ABLIM1: variants seen among roughly 807,000 people sequenced by gnomAD.
ABLIM1 encodes the protein actin-binding LIM protein 1.
A neutral mutation model predicts 107.0 loss-of-function variants in ABLIM1; 40 were observed. The ratio of observed to expected loss-of-function variants is 0.37; its 90% CI spans 0.29 to 0.49. The LOEUF is 0.49. ABLIM1 is among the 20% of genes least tolerant of loss of function. The pLI is 0.97. For missense variants in ABLIM1, 857 were observed against 1,008.5 expected, an observed-to-expected ratio of 0.85 and a Z score of 2.04; for synonymous variants, 357 against 357.3, an observed-to-expected ratio of 1.00 and a Z score of 0.01.
Position 114,737,189 on chromosome 10 carries a change from T to C in ABLIM1, c.-213+30872A>G, listed in dbSNP as rs12266199. ...AAACACAAAAATTAGCTGGGTGTAATAGCATGCGCCTGTAACCCCAGCTAC... is the reference window on the plus strand; with the variant it reads ...AAACACAAAAATTAGCTGGGTGTAACAGCATGCGCCTGTAACCCCAGCTAC... On this transcript the variant is annotated intron_variant, in intron 1 of 15. Transcript: ENST00000651092. Among the ~76,000 whole-genome samples the C allele has an allele frequency of 3.9e-3, 587 of 152,120 alleles. 3 individuals are homozygous for C. The highest frequency in any genetic ancestry group is 6.9e-3 in the Non-Finnish European group (472 of 68,000).
At chr10:114,462,226 G>A (rs1048903276) in intron 12 of ABLIM1, among the ~76,000 whole-genome samples, 1 of 152,156 alleles carries the variant, frequency 6.6e-6, no homozygotes, top group African/African-American at 2.4e-5. Flanking sequence ...TTTAAGACCT[G>A]TGATAACATC....
At chr10:114,445,246 A>T in intron 16 of ABLIM1, 66 bp downstream of exon 16, 1 of 1,427,958 alleles carries the variant, frequency 7.0e-7, no homozygotes, top group Non-Finnish European at 9.9e-7. Context: ...CATAGTAGTC[A>T]TTCAAAAAAT....
At chr10:114,632,323 C>G in intron 1 of ABLIM1, 2 of 985,426 alleles carry the variant, frequency 2.0e-6, no homozygotes, top group Non-Finnish European at 2.4e-6. Context: ...CCCCCTCCCA[C>G]AGTCTGATAA....
intron 4 of ABLIM1, among the ~76,000 whole-genome samples, chr10:114,561,718 A>G (rs2138327108): frequency 6.6e-6 from 1 of 152,360 alleles, no homozygotes; most frequent in Middle Eastern, 3.4e-3. Flanking sequence ...CTGAAATTCC[A>G]GTTCTACTGA....
chr10:114,734,324 C>T (rs928347248), intron 1 of ABLIM1, among the ~76,000 whole-genome samples: 1 of 152,178 alleles, frequency 6.6e-6, no homozygotes, highest in African/African-American at 2.4e-5. Flanking sequence ...TTGCTCAAAA[C>T]CTTCAAAATG....
chr10:114,768,355 A>G (rs2082957833), upstream of ABLIM1, among the ~76,000 whole-genome samples: 1 of 149,424 alleles, frequency 6.7e-6, no homozygotes, highest in South Asian at 2.1e-4. Flanking sequence ...ACCCGGGTCC[A>G]GCAGCCGCTC....
chr10:114,475,908 AC>A (rs1210152561), intron 8 of ABLIM1, among the ~76,000 whole-genome samples: 4 of 152,184 alleles, frequency 2.6e-5, no homozygotes, highest in Non-Finnish European at 5.9e-5. Context: ...TTATAGTTCT[AC>A]AATAGGAATA....
chr10:114,581,113 AAAG>A, intron 2 of ABLIM1, among the ~76,000 whole-genome samples: 1 of 152,284 alleles, frequency 6.6e-6, no homozygotes, highest in South Asian at 2.1e-4. Flanking sequence ...ATCAACTACT[AAAG>A]AAGAACATGT....
intron 1 of ABLIM1, among the ~76,000 whole-genome samples, chr10:114,657,657 G>A (rs914932875): frequency 3.9e-5 from 6 of 152,036 alleles, no homozygotes; most frequent in African/African-American, 1.2e-4. Flanking sequence ...TCTACAGATA[G>A]AGATCTTTCT....
the ABLIM1 span, among the ~76,000 whole-genome samples, chr10:114,786,500 T>C: frequency 1.3e-5 from 2 of 152,248 alleles, no homozygotes; most frequent in African/African-American, 4.8e-5. Context: ...TAAACATTTA[T>C]ATAATTTTAA....
chr10:114,607,025 T>A (rs1047096852), intron 1 of ABLIM1, among the ~76,000 whole-genome samples: 1 of 152,080 alleles, frequency 6.6e-6, no homozygotes, highest in Admixed American at 6.6e-5. Context: ...GGCCCTCAAC[T>A]CCTTTTTCTC....
chr10:114,483,520 G>C (rs1193273301), intron 8 of ABLIM1, among the ~76,000 whole-genome samples: 3 of 152,176 alleles, frequency 2.0e-5, no homozygotes, highest in African/African-American at 7.2e-5. Context: ...CTAGTGATCT[G>C]CCCACATTGG....
At chr10:114,491,026 G>GTGTGTGTGTGT (rs2058919541) in intron 7 of ABLIM1, among the ~76,000 whole-genome samples, 1 of 70,286 alleles carries the variant, frequency 1.4e-5, no homozygotes, top group African/African-American at 5.9e-5. Flanking sequence ...ATATATATAT[G>GTGTGTGTGTGT]GTCTATTTTA....
At chr10:114,447,240 G>A (rs1324455339) in intron 15 of ABLIM1, among the ~76,000 whole-genome samples, 1 of 152,138 alleles carries the variant, frequency 6.6e-6, no homozygotes, top group Non-Finnish European at 1.5e-5. Context: ...TGGAAAGCAT[G>A]GAGCAAAGAA....
chr10:114,699,105 A>C (rs1312332016), intron 1 of ABLIM1, among the ~76,000 whole-genome samples: 1 of 16,030 alleles, frequency 6.2e-5, no homozygotes, highest in Non-Finnish European at 1.5e-4. Context: ...TTTGCTTAGC[A>C]AAAAAAAAAA....
chr10:114,792,037 T>G, the ABLIM1 span, among the ~76,000 whole-genome samples: 2 of 152,346 alleles, frequency 1.3e-5, no homozygotes, highest in South Asian at 4.1e-4. Flanking sequence ...GTTAAGAATC[T>G]TGGCTGGGTA....
At chr10:114,488,994 C>T (rs1417943759) in intron 7 of ABLIM1, among the ~76,000 whole-genome samples, 1 of 152,130 alleles carries the variant, frequency 6.6e-6, no homozygotes, top group African/African-American at 2.4e-5. Flanking sequence ...AGAGTTTCCA[C>T]ATTTCATGAC....
Position 114,629,509 on chromosome 10 carries a change from G to A in ABLIM1, c.245-27548C>T, listed in dbSNP as rs1055915636. 6.6e-6 allele frequency among the ~76,000 whole-genome samples: 1 copy of A among 152,194 alleles called. No individual in the cohort carries two copies. The highest frequency in any genetic ancestry group is 1.5e-5 in the Non-Finnish European group (1 of 68,042). ...GGTTGTTTGAAGATCTACAGTGGGG[G>A]AAACACTAACCTATGCACTGGAAAG... On this transcript the variant is annotated intron_variant, in intron 1 of 22. Coordinates refer to ENST00000533213, the MANE Select transcript of ABLIM1 (RefSeq NM_002313.7). This position sits in a 1 kb window ranked among gnomAD's most constrained non-coding sequence, Gnocchi z 4.0.
At chr10:114,617,736 A>G (rs1417552814) in intron 1 of ABLIM1, among the ~76,000 whole-genome samples, 2 of 152,162 alleles carry the variant, frequency 1.3e-5, no homozygotes, top group Admixed American at 1.3e-4. Flanking sequence ...ATTTTCGCAC[A>G]CTATTTCACT....
Sources: gnomAD v4.1 joint callset for allele counts (sites outside exome capture counted in the v4.1 genomes callset) on GRCh38, gnomAD v4.1.1 for gene constraint, Gnocchi (gnomAD v3.1) non-coding constraint, MANE v1.5 for transcripts, NCBI Gene and HGNC (gene_info 2026-07-23, HGNC 2026-07-21) for gene names.